The following TBX1 variants were observed in gnomAD, a reference collection of about 807,000 sequenced individuals.
The protein encoded by TBX1 is T-box transcription factor TBX1.
TBX1 carries 16 observed loss-of-function variants against 40.8 expected under a neutral mutation model. The observed-to-expected ratio is 0.39, with a 90% CI of 0.27 to 0.60. The LOEUF (loss-of-function observed/expected upper bound fraction) is 0.60, where lower values mean the gene tolerates loss of function less well. Among genes scored for constraint, TBX1 ranks in the 20% least tolerant of loss-of-function variants. The pLI, the probability that TBX1 is intolerant of heterozygous loss-of-function variation, is 0.51. For missense variants in TBX1, 755 were observed against 728.5 expected (o/e 1.04, Z -0.42); for synonymous variants, 403 against 336.8 (o/e 1.20, Z -2.15).
At chr22:19,773,597 C>T (rs1937022646) in intron 8 of TBX1, among the ~76,000 whole-genome samples, 1 of 152,226 alleles carries the variant, frequency 6.6e-6, no homozygotes, top group Non-Finnish European at 1.5e-5. Context: ...TGCCCAGTCA[C>T]TGCCTGGGAA....
chr22:19,760,525 C>T (rs1039877254), upstream of TBX1, among the ~76,000 whole-genome samples: 1 of 143,910 alleles, frequency 6.9e-6, no homozygotes, highest in Non-Finnish European at 1.5e-5. Flanking sequence ...GAGGGCCGGC[C>T]GACGGGCCCG....
intron 8 of TBX1, among the ~76,000 whole-genome samples, chr22:19,772,486 CAT>C (rs1443892014): frequency 6.6e-6 from 1 of 151,740 alleles, no homozygotes; most frequent in African/African-American, 2.4e-5. Context: ...TTTGTAGAGA[CAT>C]ATGAGTCTTG....
intron 3 of TBX1, among the ~76,000 whole-genome samples, chr22:19,764,575 C>T (rs1454729793): frequency 1.3e-5 from 2 of 152,226 alleles, no homozygotes; most frequent in Non-Finnish European, 2.9e-5. Flanking sequence ...GGCCTGGGCC[C>T]TGGGAGAGGG....
chr22:19,759,215 GT>G (rs1936559479), upstream of TBX1, among the ~76,000 whole-genome samples: 1 of 152,238 alleles, frequency 6.6e-6, no homozygotes, highest in Non-Finnish European at 1.5e-5. Flanking sequence ...TTCAAGGGGC[GT>G]TGGTCATGGA....
chr22:19,780,923 C>T (rs1190082651), downstream of TBX1, among the ~76,000 whole-genome samples: 2 of 151,640 alleles, frequency 1.3e-5, no homozygotes, highest in African/African-American at 4.9e-5. Flanking sequence ...GCTAGGACTA[C>T]AGGTGCCCGC....
chr22:19,758,933 C>G (rs996085114), upstream of TBX1, among the ~76,000 whole-genome samples: 1 of 152,194 alleles, frequency 6.6e-6, no homozygotes, highest in Non-Finnish European at 1.5e-5. Flanking sequence ...CGCTGCGGCC[C>G]TGGGGCTCCT....
downstream of TBX1, among the ~76,000 whole-genome samples, chr22:19,767,604 A>G (rs41299350): frequency 0.02 from 2,957 of 151,396 alleles, 34 homozygotes; most frequent in Non-Finnish European, 0.029. Flanking sequence ...TCTCATCCCA[A>G]CCTCCCCAGG....
chr22:19,777,846 ACCT>A (rs1401124289), intron 8 of TBX1, among the ~76,000 whole-genome samples: 11 of 145,366 alleles, frequency 7.6e-5, no homozygotes, highest in African/African-American at 2.6e-4. Flanking sequence ...GGCAGCCTTG[ACCT>A]CCTAGGCTCA....
At chr22:19,769,555 A>AT (rs780784550), downstream of TBX1, among the ~76,000 whole-genome samples, 12 of 152,214 alleles carry the variant, frequency 7.9e-5, no homozygotes, top group Non-Finnish European at 1.6e-4. Context: ...ACCGTCCCTC[A>AT]TGTGCTCAGT....
At chr22:19,759,521 C>G (rs1190430872), upstream of TBX1, 11 of 1,534,998 alleles carry the variant, frequency 7.2e-6, no homozygotes, top group Non-Finnish European at 9.6e-6. Flanking sequence ...GCTGTCTCCC[C>G]GAGCCAGTGC....
chr22:19,761,178 A>C lies in TBX1; in HGVS notation c.335A>C (p.Lys112Thr). 1 of 1,532,020 alleles carries C rather than the reference A, an allele frequency of 6.5e-7. No individual in the cohort carries two copies. Among genetic ancestry groups the C allele is most frequent in the Non-Finnish European group, 8.8e-7 (1 of 1,136,564 alleles). The allele number at this position is 1,532,020 out of a possible 1,614,324, so 94.9% of individuals were successfully genotyped here. ...GCCGCAGCCAAGGCGCCGGTGAAGA[A>C]GAACGCGAAGGTGGCCGGTGTGAGC... is the stretch of plus-strand genomic sequence containing the variant. ...CAAAAKAPVKKNAKVAGVSVQ... is the reference protein window; with the variant it reads ...CAAAAKAPVKTNAKVAGVSVQ... Residue 112 changes from lysine (K) to threonine (T), a missense_variant, in exon 1 of 7, where the codon AAG becomes ACG. Transcript: ENST00000649276.
At chr22:19,782,165 A>G (rs1937148837), downstream of TBX1, among the ~76,000 whole-genome samples, 1 of 152,216 alleles carries the variant, frequency 6.6e-6, no homozygotes, top group Non-Finnish European at 1.5e-5. Flanking sequence ...ATGAATTTCA[A>G]AATGGCTTTT....
At chr22:19,782,461 C>G (rs955136903), downstream of TBX1, among the ~76,000 whole-genome samples, 7 of 152,138 alleles carry the variant, frequency 4.6e-5, no homozygotes, top group African/African-American at 1.7e-4. Context: ...AACTCTTTAG[C>G]CCATCTTTTG....
At chr22:19,781,975 C>CTGGATCATACACATGA (rs41298844), downstream of TBX1, among the ~76,000 whole-genome samples, 1 of 152,000 alleles carries the variant, frequency 6.6e-6, no homozygotes, top group African/African-American at 2.4e-5. Flanking sequence ...AAAAATATCA[C>CTGGATCATACACATGA]TGGTTTATTT....
downstream of TBX1, among the ~76,000 whole-genome samples, chr22:19,770,698 C>T (rs1423025770): frequency 6.6e-6 from 1 of 152,200 alleles, no homozygotes; most frequent in Non-Finnish European, 1.5e-5. Context: ...CATGCGATGA[C>T]AGTTGTATGA....
At position 19,766,929 on chromosome 22, in the gene TBX1, C is replaced by A. The variant is rs1936881660; in HGVS notation, c.*62C>A. ...AGCCCCGAAGTTCGCCGGGCCCGGCCACCCTGCCCCAAGGGCAAGCAAGGA... is the reference window on the plus strand; with the variant it reads ...AGCCCCGAAGTTCGCCGGGCCCGGCAACCCTGCCCCAAGGGCAAGCAAGGA... On this transcript the variant is annotated 3_prime_UTR_variant, in exon 7 of 7. Transcript: ENST00000649276. 10 of 1,561,600 alleles carry A rather than the reference C, an allele frequency of 6.4e-6. No individual in the cohort carries two copies. Among genetic ancestry groups the A allele is most frequent in the Middle Eastern group, 3.8e-4 (2 of 5,270 alleles).
chr22:19,776,745 C>G (rs567766098), intron 8 of TBX1, among the ~76,000 whole-genome samples: 2 of 152,328 alleles, frequency 1.3e-5, no homozygotes, highest in African/African-American at 2.4e-5. Context: ...CAACTCAGAG[C>G]CAGCACACTA....
In TBX1 at chr22:19,766,445, G is replaced by A; in HGVS notation, c.1093G>A (p.Gly365Arg). Residue 365 changes from glycine to arginine, a missense_variant, in exon 7 of 7, where the codon GGG becomes AGG. Physicochemically the swap from Gly to Arg is moderately radical, Grantham distance 125. Coordinates refer to ENST00000649276, the MANE Select transcript of TBX1 (RefSeq NM_001379200.1). ...QRDAGGPAVL[G>R]DPAHPPQLLA... ...CGACGCGGGCGGGCCAGCAGTGCTCGGGGACCCGGCGCATCCTCCGCAGCT... is the reference window on the plus strand; with the variant it reads ...CGACGCGGGCGGGCCAGCAGTGCTCAGGGACCCGGCGCATCCTCCGCAGCT... The A allele has an allele frequency of 7.5e-7, 1 of 1,339,162 alleles. No individual in the cohort carries two copies. Among genetic ancestry groups the A allele is most frequent in the Admixed American group, 3.3e-5 (1 of 30,114 alleles). The allele number at this position is 1,339,162 out of a possible 1,614,324, so 83.0% of individuals were successfully genotyped here.
rs1569021475 is a variant in TBX1, at chr22:19,764,344, C to T, written c.711+18C>T. ...ACGGCCACGTGAGCGACTGCCTCCC[C>T]AGGCTCCGGTGTCCCCCAAGGCCTC... is the stretch of plus-strand genomic sequence containing the variant. On this transcript the variant is annotated intron_variant, in intron 3 of 6. Coordinates refer to ENST00000649276, the MANE Select transcript of TBX1 (RefSeq NM_001379200.1). 3.7e-6 allele frequency: 6 copies of T among 1,607,310 alleles called. No homozygotes were observed. The highest frequency in any genetic ancestry group is 4.2e-6 in the Non-Finnish European group (5 of 1,179,756).
Sources: allele counts gnomAD v4.1 joint callset (sites outside exome capture counted in the v4.1 genomes callset), GRCh38; gene constraint gnomAD v4.1.1; transcripts MANE v1.5; gene names NCBI Gene and HGNC (gene_info 2026-07-23, HGNC 2026-07-21).